ANKRD17: variants seen among roughly 807,000 people sequenced by gnomAD.
The protein encoded by ANKRD17 is ankyrin repeat domain-containing protein 17.
Under a neutral mutation model 229.7 loss-of-function variants are expected in ANKRD17, and 19 were observed. That is an observed-to-expected ratio of 0.08 (90% CI 0.06 to 0.12). The LOEUF (loss-of-function observed/expected upper bound fraction) is 0.12. Among genes scored for constraint, ANKRD17 ranks in the 10% least tolerant of loss-of-function variants. The probability of loss-of-function intolerance (pLI) is 1.00; values close to 1 mark genes in which losing one functional copy is unlikely to be tolerated. For missense variants in ANKRD17, 2,176 were observed against 3,176.8 expected (o/e 0.68, Z 7.57); for synonymous variants, 1,112 against 1,146.1 (o/e 0.97, Z 0.60).
At position 73,097,143 on chromosome 4, in the gene ANKRD17, T is replaced by C; in HGVS notation, c.5151A>G (p.Glu1717=). 6.2e-7 allele frequency: 1 copy of C among 1,608,694 alleles called. No homozygotes were observed. The highest frequency in any genetic ancestry group is 1.1e-5 in the South Asian group (1 of 89,458). ...VASPKRGQKR[E]EGWKEVVRRS... is the part of the protein sequence containing the mutation. ...TTCTTACAACTTCTTTCCATCCTTC[T>C]TCCCTCTTTTGCCCACGCTTAGGAC... is the stretch of plus-strand genomic sequence containing the variant. Residue 1717 remains glutamate (E), a synonymous_variant, in exon 27 of 34, where the codon GAA becomes GAG. Transcript: ENST00000358602.
At chr4:73,174,328 A>G (rs1401723798) in intron 2 of ANKRD17, among the ~76,000 whole-genome samples, 1 of 152,224 alleles carries the variant, frequency 6.6e-6, no homozygotes, top group Non-Finnish European at 1.5e-5. Flanking sequence ...ATTAAAAACA[A>G]AAATTGCATG....
intron 1 of ANKRD17, among the ~76,000 whole-genome samples, chr4:73,237,857 G>A (rs1049508060): frequency 6.6e-6 from 1 of 151,982 alleles, no homozygotes; most frequent in African/African-American, 2.4e-5. Context: ...AGGAATTTAA[G>A]AACATATTCT....
At chr4:73,213,185 T>C (rs1332222680) in intron 1 of ANKRD17, among the ~76,000 whole-genome samples, 2 of 152,128 alleles carry the variant, frequency 1.3e-5, no homozygotes, top group Non-Finnish European at 2.9e-5. Flanking sequence ...AGTGCATAAA[T>C]TACAAATGCT....
intron 1 of ANKRD17, among the ~76,000 whole-genome samples, chr4:73,181,230 C>T (rs1231222327): frequency 6.6e-6 from 1 of 152,146 alleles, no homozygotes; most frequent in Non-Finnish European, 1.5e-5. Context: ...ATTACACACA[C>T]ATTTATTGCA....
At chr4:73,157,706 C>T (rs776864545) in intron 3 of ANKRD17, among the ~76,000 whole-genome samples, 1 of 152,154 alleles carries the variant, frequency 6.6e-6, no homozygotes, top group Non-Finnish European at 1.5e-5. Context: ...TATGGCAAAG[C>T]CTCCTAACCA....
chr4:73,103,813 A>C (rs1009520024), intron 24 of ANKRD17, among the ~76,000 whole-genome samples: 14 of 147,584 alleles, frequency 9.5e-5, no homozygotes, highest in Non-Finnish European at 1.6e-4. Flanking sequence ...CTGCCTTTCA[A>C]ATTAACCCTC....
chr4:73,183,163 CGA>C (rs1458238665), intron 1 of ANKRD17, among the ~76,000 whole-genome samples: 3 of 152,052 alleles, frequency 2.0e-5, no homozygotes, highest in Non-Finnish European at 4.4e-5. Flanking sequence ...TACAGAGACT[CGA>C]GAGATATAAC....
In ANKRD17 at chr4:73,076,155, G is replaced by A; in HGVS notation, c.*76C>T. 2 of 1,324,158 alleles carry A rather than the reference G, an allele frequency of 1.5e-6. No individual in the cohort carries two copies. Among genetic ancestry groups the A allele is most frequent in the Non-Finnish European group, 2.1e-6 (2 of 950,570 alleles). The allele number at this position is 1,324,158 out of a possible 1,614,324, so 82.0% of individuals were successfully genotyped here. A position where few individuals can be genotyped will look rare whatever the true frequency, so the allele number is the denominator to read the frequency against. ...AGCACATCAGTAGAATGATTTGGGA[G>A]CATAATTTTTTTTTTCGGCCACTTG... On this transcript the variant is annotated 3_prime_UTR_variant, in exon 34 of 34. Transcript: ENST00000358602.
At chr4:73,121,129 A>AT (rs1726669267) in intron 19 of ANKRD17, 35 bp from the exon 20 acceptor site, 1 of 1,532,804 alleles carries the variant, frequency 6.5e-7, no homozygotes. Context: ...CAAATGGAAA[A>AT]ATATATATTT....
rs183654834 is a variant in ANKRD17, at chr4:73,178,617, A to C, written c.394-1084T>G. Among the ~76,000 whole-genome samples, 162 of 152,210 alleles carry C rather than the reference A, an allele frequency of 1.1e-3. 1 individual carries two copies. The highest frequency in any genetic ancestry group is 3.5e-3 in the African/African-American group (146 of 41,530). ...TCATCGTAAATGTCAACATAGTAAA[A>C]AAGTCAAGTAACATCTCAATATTAT... On this transcript the variant is annotated intron_variant, in intron 1 of 33. Coordinates refer to ENST00000358602, the MANE Select transcript of ANKRD17 (RefSeq NM_032217.5).
Position 73,091,549 on chromosome 4 carries a change from C to T in ANKRD17, c.6079G>A (p.Ala2027Thr). The change falls in exon 29 of 34, where the codon GCC (alanine) becomes ACC (threonine). Residue 2027 changes from alanine to threonine, a missense_variant. Ala to Thr is a moderately conservative substitution (Grantham distance 58, BLOSUM62 0). Around this residue, in one of 18 missense-constraint regions of ANKRD17, gnomAD observed 424 missense variants for 454.0 expected, o/e 0.93. Transcript: ENST00000358602. ...ASNNNTAPTN[A>T]TYPMPTAKEH... Reference sequence around the variant, plus strand: ...TTGGCAGTAGGCATAGGATATGTGGCATTTGTGGGTGCAGTGTTGTTGTTG... The same window carrying T: ...TTGGCAGTAGGCATAGGATATGTGGTATTTGTGGGTGCAGTGTTGTTGTTG... 7.4e-6 allele frequency: 12 copies of T among 1,614,146 alleles called. No homozygotes were observed. The highest frequency in any genetic ancestry group is 1.0e-5 in the Non-Finnish European group (12 of 1,180,024).
In ANKRD17 at chr4:73,102,401, T is replaced by C. The variant is rs531657552; in HGVS notation, c.4548A>G (p.Gln1516=). 1.4e-4 allele frequency: 226 copies of C among 1,590,016 alleles called. 1 individual carries two copies. The South Asian group carries it at 2.4e-3, about 17-fold the overall frequency. Residue 1516 remains glutamine, a synonymous_variant, in exon 25 of 34, where the codon CAA becomes CAG. Coordinates refer to ENST00000358602, the MANE Select transcript of ANKRD17 (RefSeq NM_032217.5). ...CTTCAACTTTAAGCTTTTCTTTTTC[T>C]TGAGCAGCTTGGAGTTCAAAGTTCT... is the stretch of plus-strand genomic sequence containing the variant. ...NKENFELQAA[Q]EKEKLKVEDE...
chr4:73,115,744 T>C lies in ANKRD17; in HGVS notation c.4284+77A>G, dbSNP rs1381286706. 2.5e-6 allele frequency: 3 copies of C among 1,178,548 alleles called. 1 individual carries two copies. Among genetic ancestry groups the C allele is most frequent in the South Asian group, 2.7e-5 (2 of 74,408 alleles). 73.0% of individuals were successfully genotyped at this position (1,178,548 alleles called of 1,614,324 possible). ...ATGGCTACATATTACACTTTACTAC[T>C]CAAACTAGGAATTCTTAGAATGGAA... On this transcript the variant is annotated intron_variant, in intron 23 of 33. Coordinates refer to ENST00000358602, the MANE Select transcript of ANKRD17 (RefSeq NM_032217.5).
intron 1 of ANKRD17, among the ~76,000 whole-genome samples, chr4:73,178,693 T>C (rs1269733990): frequency 6.6e-6 from 1 of 152,116 alleles, no homozygotes; most frequent in East Asian, 1.9e-4. Context: ...CTCTGGGCCC[T>C]GAGGGGTCTA....
chr4:73,121,255 T>A, intron 19 of ANKRD17, 161 bp from the exon 20 acceptor site: 2 of 669,584 alleles, frequency 3.0e-6, no homozygotes, highest in Non-Finnish European at 5.1e-6. Flanking sequence ...CTACCAAGAC[T>A]CCATTAGAAA....
At chr4:73,183,597 C>G (rs1162424063) in intron 1 of ANKRD17, among the ~76,000 whole-genome samples, 1 of 151,934 alleles carries the variant, frequency 6.6e-6, no homozygotes, top group Non-Finnish European at 1.5e-5. Context: ...CTTCAGCCTC[C>G]GGAGTAGCTG....
At chr4:73,102,325 T>G in intron 25 of ANKRD17, 51 bp downstream of exon 25, 1 of 1,523,642 alleles carries the variant, frequency 6.6e-7, no homozygotes, top group Non-Finnish European at 8.8e-7. Context: ...CAAGTAAATA[T>G]AATTTTAACT....
At chr4:73,121,228 AG>A in intron 19 of ANKRD17, 134 bp from the exon 20 acceptor site, 1 of 820,580 alleles carries the variant, frequency 1.2e-6, no homozygotes, top group South Asian at 1.6e-5. Context: ...TCTCAACCTT[AG>A]TAAGTCTCTG....
rs1375550105 is a variant in ANKRD17 at position 73,132,036 on chromosome 4, TTTTG to T, written c.3234+3077_3234+3080del. 4.6e-5 allele frequency among the ~76,000 whole-genome samples: 7 copies of T among 152,126 alleles called. No homozygotes were observed. The East Asian group carries it at 9.6e-4, about 21-fold the overall frequency. ...TCTTATCAAAACAAAAACTTTGAGC[TTTTG>T]TTTGATTGAGTATAAAAGGATCTTC... On this transcript the variant is annotated intron_variant, in intron 16 of 33. Coordinates refer to ENST00000358602, the MANE Select transcript of ANKRD17 (RefSeq NM_032217.5).
Sources: allele counts gnomAD v4.1 joint callset (sites outside exome capture counted in the v4.1 genomes callset), GRCh38; gene constraint gnomAD v4.1.1; regional missense constraint gnomAD v4.1.1; transcripts MANE v1.5; gene names NCBI Gene and HGNC (gene_info 2026-07-23, HGNC 2026-07-21).